ADAM10: variants seen among roughly 807,000 people sequenced by gnomAD.
The protein encoded by ADAM10 is ADAM metallopeptidase domain 10.
A neutral mutation model predicts 90.1 loss-of-function variants in ADAM10; 17 were observed. The ratio of observed to expected loss-of-function variants is 0.19; its 90% CI spans 0.13 to 0.28. ADAM10 has a LOEUF of 0.28. Ranked by LOEUF, ADAM10 falls within the 10% of genes least tolerant of loss-of-function variation. The pLI is 1.00. For missense variants in ADAM10, 610 were observed against 914.3 expected, an observed-to-expected ratio of 0.67 and a Z score of 4.29; for synonymous variants, 310 against 298.6, an observed-to-expected ratio of 1.04 and a Z score of -0.40.
At chr15:58,732,254 C>T (rs1230332897) in intron 1 of ADAM10, 4 of 152,330 alleles carry the variant, frequency 2.6e-5, no homozygotes, top group Non-Finnish European at 5.9e-5. Flanking sequence ...CGGAGTAAAG[C>T]CTTAGGAGTG....
At chr15:58,634,765 A>C (rs868499069) in intron 8 of ADAM10, among the ~76,000 whole-genome samples, 3 of 152,222 alleles carry the variant, frequency 2.0e-5, no homozygotes, top group South Asian at 4.1e-4. Flanking sequence ...TATTACGATA[A>C]CTGCTCTAAT....
chr15:58,698,300 C>T, intron 2 of ADAM10: 1 of 448,910 alleles, frequency 2.2e-6, no homozygotes, highest in South Asian at 1.6e-5. Flanking sequence ...TATCATAGGG[C>T]TAGGCTCACA....
chr15:58,633,405 T>C (rs202048179), intron 8 of ADAM10, 46 bp from the exon 9 acceptor site: 35 of 1,539,796 alleles, frequency 2.3e-5, no homozygotes, highest in Middle Eastern at 1.7e-4. Context: ...TGTTTCCCCT[T>C]ACCCCCAAAA....
chr15:58,666,039 C>A (rs1375955725), intron 4 of ADAM10, among the ~76,000 whole-genome samples: 1 of 151,744 alleles, frequency 6.6e-6, no homozygotes, highest in Non-Finnish European at 1.5e-5. Context: ...ATAATCTCAA[C>A]TTCTAGTATT....
chr15:58,624,223 T>C (rs962002353), intron 10 of ADAM10, among the ~76,000 whole-genome samples: 2 of 151,452 alleles, frequency 1.3e-5, no homozygotes, highest in Non-Finnish European at 2.9e-5. Flanking sequence ...GAGGGAGAGG[T>C]TGCAGTGAGC....
rs144393476 is a variant in ADAM10 at position 58,657,132 on chromosome 15, C to T, written c.585+7965G>A. ...TGCTTTTAGGATCTTTTCTTTATGG[C>T]CTTTGCTGGTTTGATTATTAAATGC... On this transcript the variant is annotated intron_variant, in intron 5 of 15. Coordinates refer to ENST00000260408, the MANE Select transcript of ADAM10 (RefSeq NM_001110.4). Among the ~76,000 whole-genome samples, 285 of 152,056 alleles carry T rather than the reference C, an allele frequency of 1.9e-3. 2 individuals are homozygous for T. The highest frequency in any genetic ancestry group is 6.7e-3 in the African/African-American group (276 of 41,474).
chr15:58,703,443 A>G (rs947031610), intron 2 of ADAM10, among the ~76,000 whole-genome samples: 1 of 152,166 alleles, frequency 6.6e-6, no homozygotes, highest in Admixed American at 6.5e-5. Flanking sequence ...AAACAACCCA[A>G]ATGTTCACAA....
intron 2 of ADAM10, among the ~76,000 whole-genome samples, chr15:58,714,640 T>A (rs544342526): frequency 6.6e-6 from 1 of 152,136 alleles, no homozygotes; most frequent in East Asian, 1.9e-4. Context: ...TAACTCTAAC[T>A]CAAAGTCATT....
chr15:58,656,684 T>C (rs1896836108), intron 5 of ADAM10, among the ~76,000 whole-genome samples: 1 of 152,192 alleles, frequency 6.6e-6, no homozygotes, highest in African/African-American at 2.4e-5. Context: ...TGAAGAGTTA[T>C]TTTTTATCAG....
chr15:58,615,293 A>C (rs1303233174), intron 11 of ADAM10, among the ~76,000 whole-genome samples: 1 of 151,834 alleles, frequency 6.6e-6, no homozygotes, highest in East Asian at 1.9e-4. Context: ...AAAAAAAAAA[A>C]AAAACCAGAA....
Position 58,665,106 on chromosome 15 carries a change from T to TGG in ADAM10, c.575_576insCC (p.Glu192AspfsTer3), listed in dbSNP as rs1189205051. Reference sequence around the variant, plus strand: ...GTGTTAAAATCCTTACCTGTGTTACTTCCTCTACACCAGTCATCTGGTATT... The same window carrying TGG: ...GTGTTAAAATCCTTACCTGTGTTACTGGTCCTCTACACCAGTCATCTGGTATT... On this transcript the variant is annotated frameshift_variant, in exon 5 of 16. Coordinates refer to ENST00000260408, the MANE Select transcript of ADAM10 (RefSeq NM_001110.4). LOFTEE classifies it high-confidence loss of function. The TGG allele has an allele frequency of 1.2e-6, 2 of 1,610,390 alleles. No individual in the cohort carries two copies. Among genetic ancestry groups the TGG allele is most frequent in the Non-Finnish European group, 1.7e-6 (2 of 1,176,788 alleles).
intron 2 of ADAM10, among the ~76,000 whole-genome samples, chr15:58,707,055 A>C (rs1214722764): frequency 7.9e-6 from 1 of 126,740 alleles, no homozygotes; most frequent in African/African-American, 3.0e-5. Flanking sequence ...AAAAGAAAAG[A>C]AAAGAAATTC....
chr15:58,631,192 C>A (rs1390876123), intron 9 of ADAM10, among the ~76,000 whole-genome samples: 1 of 152,094 alleles, frequency 6.6e-6, no homozygotes, highest in Non-Finnish European at 1.5e-5. Flanking sequence ...TTTTGTACAG[C>A]CTACAGAATC....
chr15:58,640,653 A>G (rs746774770), intron 8 of ADAM10, 124 bp downstream of exon 8: 3 of 932,300 alleles, frequency 3.2e-6, no homozygotes, highest in Non-Finnish European at 4.9e-6. Context: ...GCCTAACTCA[A>G]GTAGCATAAA....
At chr15:58,713,525 A>G (rs879593623) in intron 2 of ADAM10, among the ~76,000 whole-genome samples, 5 of 152,220 alleles carry the variant, frequency 3.3e-5, no homozygotes, top group Admixed American at 6.5e-5. Flanking sequence ...ATAAAGTTAT[A>G]ATAAAATAAA....
At chr15:58,713,247 A>G (rs1335365456) in intron 2 of ADAM10, among the ~76,000 whole-genome samples, 12 of 152,026 alleles carry the variant, frequency 7.9e-5, no homozygotes, top group Non-Finnish European at 1.3e-4. Context: ...GACTATAGGC[A>G]TGCACCACCA....
chr15:58,675,598 A>C (rs1243980949), intron 4 of ADAM10, among the ~76,000 whole-genome samples: 1 of 152,180 alleles, frequency 6.6e-6, no homozygotes, highest in Non-Finnish European at 1.5e-5. Context: ...CCTAGGAGAG[A>C]GTGTTTTTTA....
At position 58,611,984 on chromosome 15, in the gene ADAM10, G is replaced by C; in HGVS notation, c.1519C>G (p.Gln507Glu). ...CACTGTGCTGTACAACAAGGACCTT[G>C]ACTTGGACTAGAGGAAACATTAAGT... ...LKPGKQCSPSQGPCCTAQCAF... is the reference protein window; with the variant it reads ...LKPGKQCSPSEGPCCTAQCAF... The change falls in exon 12 of 16, where the codon CAA becomes GAA. Residue 507 changes from glutamine to glutamate, a missense_variant. Physicochemically the swap from Gln to Glu is conservative, Grantham distance 29. This residue lies in a region of ADAM10 where 53 missense variants were observed against 62.0 expected (regional missense o/e 0.85). Coordinates refer to ENST00000260408, the MANE Select transcript of ADAM10 (RefSeq NM_001110.4). The C allele has an allele frequency of 6.2e-7, 1 of 1,614,014 alleles. No homozygotes were observed. Among genetic ancestry groups the C allele is most frequent in the Non-Finnish European group, 8.5e-7 (1 of 1,179,942 alleles).
chr15:58,657,092 T>C (rs1337209976), intron 5 of ADAM10, among the ~76,000 whole-genome samples: 1 of 152,226 alleles, frequency 6.6e-6, no homozygotes, highest in African/African-American at 2.4e-5. Context: ...AGGTTATTTG[T>C]TTCTTTTTTC....
Sources: allele counts gnomAD v4.1 joint callset (sites outside exome capture counted in the v4.1 genomes callset), GRCh38; gene constraint gnomAD v4.1.1; regional missense constraint gnomAD v4.1.1; transcripts MANE v1.5; gene names NCBI Gene and HGNC (gene_info 2026-07-23, HGNC 2026-07-21).